The following CUX1 variants were observed in gnomAD, a reference collection of about 807,000 sequenced individuals.
The protein encoded by CUX1 is protein CASP.
CUX1 carries 31 observed loss-of-function variants against 158.8 expected under a neutral mutation model. That is an observed-to-expected ratio of 0.20 (90% confidence interval 0.15 to 0.26). The LOEUF (loss-of-function observed/expected upper bound fraction) is 0.26, where lower values mean the gene tolerates loss of function less well. Ranked by LOEUF, CUX1 falls within the 10% of genes least tolerant of loss-of-function variation. The pLI is 1.00. For synonymous variants in CUX1, 879 were observed against 862.1 expected (o/e 1.02, Z -0.34); for missense variants, 1,589 against 2,014.6 (o/e 0.79, Z 4.04).
chr7:102,153,506 A>G (rs1389331180), intron 8 of CUX1: 1 of 152,290 alleles, frequency 6.6e-6, no homozygotes, highest in Non-Finnish European at 1.5e-5. Context: ...TGCTCCCGGA[A>G]GAGTCAAGGC....
rs1794548010 is a variant in CUX1, at chr7:102,194,051, C to T, written c.1125+161C>T. ...ATTTAACCAAGTTGAAGCAAATTAT[C>T]TTTTTTTTTTTGTCTCCTTTTTTTC... is the stretch of plus-strand genomic sequence containing the variant. On this transcript the variant is annotated intron_variant, in intron 13 of 23. Transcript: ENST00000292535. 1.4e-5 allele frequency: 8 copies of T among 576,266 alleles called. No homozygotes were observed. The South Asian group carries it at 1.8e-4, about 13-fold the overall frequency. 35.7% of individuals were successfully genotyped at this position (576,266 alleles called of 1,614,324 possible). A position where few individuals can be genotyped will look rare whatever the true frequency, so the allele number is the denominator to read the frequency against.
intron 9 of CUX1, among the ~76,000 whole-genome samples, chr7:102,168,195 A>G (rs1357895732): frequency 1.3e-5 from 2 of 152,060 alleles, no homozygotes; most frequent in Non-Finnish European, 2.9e-5. Flanking sequence ...TTCTAGATTC[A>G]GTGTGGACGA....
chr7:102,006,088 A>AC (rs1817332838), intron 2 of CUX1, among the ~76,000 whole-genome samples: 1 of 152,118 alleles, frequency 6.6e-6, no homozygotes, highest in Admixed American at 6.6e-5. Context: ...AAGTAGCAGG[A>AC]CCCCAGTGGG....
At chr7:101,983,154 T>C (rs1421567231) in intron 2 of CUX1, among the ~76,000 whole-genome samples, 1 of 152,218 alleles carries the variant, frequency 6.6e-6, no homozygotes, top group Non-Finnish European at 1.5e-5. Flanking sequence ...TGTCATTGGC[T>C]GTGTGACCAA....
At chr7:102,063,405 T>C (rs111634408) in intron 3 of CUX1, among the ~76,000 whole-genome samples, 8,329 of 145,286 alleles carry the variant, frequency 0.057, 670 homozygotes, top group African/African-American at 0.21. Context: ...TTTTTTTTTT[T>C]TGAGACGGAG....
chr7:102,015,708 G>A (rs148334998), intron 2 of CUX1, among the ~76,000 whole-genome samples: 19 of 152,236 alleles, frequency 1.2e-4, no homozygotes, highest in Admixed American at 8.5e-4. Flanking sequence ...ATAAAAGTTC[G>A]TGGCTCCTTT....
At position 102,234,112 on chromosome 7, in the gene CUX1, T is replaced by C; in HGVS notation, c.3494T>C (p.Leu1165Pro). 1 of 1,598,082 alleles carries C rather than the reference T, an allele frequency of 6.3e-7. No homozygotes were observed. Among genetic ancestry groups the C allele is most frequent in the Non-Finnish European group, 8.5e-7 (1 of 1,173,158 alleles). Reference protein sequence around the residue: ...GLTQGSVSDLLARPKPWHKLS... With the variant: ...GLTQGSVSDLPARPKPWHKLS... The stretch of plus-strand genomic sequence containing the variant: ...ACCCAAGGCTCTGTCTCTGACCTCC[T>C]TGCCCGCCCCAAACCCTGGCATAAG... The change falls in exon 22 of 24, where the codon CTT becomes CCT. Residue 1165 changes from leucine (L) to proline (P), a missense_variant. Leu to Pro is a moderately conservative substitution (Grantham distance 98). Coordinates refer to ENST00000292535, the MANE Select transcript of CUX1 (RefSeq NM_181552.4).
chr7:102,270,497 C>G (rs1189166963), intron 14 of CUX1, among the ~76,000 whole-genome samples: 1 of 152,190 alleles, frequency 6.6e-6, no homozygotes, highest in Non-Finnish European at 1.5e-5. Flanking sequence ...CCCCCCTCTA[C>G]CCACAGCCTT....
chr7:102,198,378 T>G (rs1795026340), intron 15 of CUX1, among the ~76,000 whole-genome samples: 1 of 152,236 alleles, frequency 6.6e-6, no homozygotes, highest in African/African-American at 2.4e-5. Flanking sequence ...CCCTGAAATT[T>G]AGACTCAAAC....
chr7:101,919,091 A>C (rs886515587), intron 2 of CUX1, among the ~76,000 whole-genome samples: 9 of 152,190 alleles, frequency 5.9e-5, no homozygotes, highest in Admixed American at 4.6e-4. Context: ...CCTGCTGGAA[A>C]TGTTGAAACC....
rs1801495359 is a variant in CUX1 at position 102,251,456 on chromosome 7, A to C, written c.*2414A>C. 2 of 985,326 alleles carry C rather than the reference A, an allele frequency of 2.0e-6. No individual in the cohort carries two copies. Among genetic ancestry groups the C allele is most frequent in the Non-Finnish European group, 2.4e-6 (2 of 829,946 alleles). The allele number at this position is 985,326 out of a possible 1,614,324, so 61.0% of individuals were successfully genotyped here. On this transcript the variant is annotated 3_prime_UTR_variant, in exon 24 of 24. Coordinates refer to ENST00000292535, the MANE Select transcript of CUX1 (RefSeq NM_181552.4). ...CAAATTTCAAGAGTCACTACACTAA[A>C]GACAATGCCTTTTCATGAATAAGAA...
chr7:102,024,925 G>A lies in CUX1; in HGVS notation c.142-3173G>A, dbSNP rs188039262. On this transcript the variant is annotated intron_variant, in intron 2 of 23. Transcript: ENST00000292535. ...AACAACAGAAATTTATCATGTGACA[G>A]TGCTCGAGTTCAGGAGTCCAAAGTG... is the stretch of plus-strand genomic sequence containing the variant. Among the ~76,000 whole-genome samples, 39 of 152,330 alleles carry A rather than the reference G, an allele frequency of 2.6e-4. 1 individual carries two copies. Among genetic ancestry groups the A allele is most frequent in the African/African-American group, 8.9e-4 (37 of 41,574 alleles).
At chr7:102,036,836 A>C (rs1821484349) in intron 3 of CUX1, among the ~76,000 whole-genome samples, 1 of 151,914 alleles carries the variant, frequency 6.6e-6, no homozygotes, top group East Asian at 1.9e-4. Flanking sequence ...GATGGTATGG[A>C]TCAGTGAGGA....
At chr7:102,281,907 G>T in exon 21 of CUX1, 1 of 1,611,848 alleles carries the variant, frequency 6.2e-7, no homozygotes, top group Non-Finnish European at 8.5e-7. Flanking sequence ...TTCCTGCACT[G>T]CCTGGTCTTC....
chr7:102,160,952 A>G (rs1187926474), intron 9 of CUX1, among the ~76,000 whole-genome samples: 1 of 152,220 alleles, frequency 6.6e-6, no homozygotes. Flanking sequence ...GTTTGCCACG[A>G]TTTAAAATAT....
chr7:102,221,150 T>C (rs1268267906), intron 20 of CUX1, among the ~76,000 whole-genome samples: 2 of 152,282 alleles, frequency 1.3e-5, no homozygotes, highest in African/African-American at 4.8e-5. Context: ...TGGCATGGGC[T>C]CAAAGCCGAA....
chr7:101,975,405 T>A (rs945516199), intron 2 of CUX1, among the ~76,000 whole-genome samples: 1 of 151,940 alleles, frequency 6.6e-6, no homozygotes, highest in African/African-American at 2.4e-5. Context: ...TTTTTTTTTT[T>A]AATCAGCTAG....
At chr7:102,093,244 A>T (rs1563230982) in intron 4 of CUX1, among the ~76,000 whole-genome samples, 3 of 121,420 alleles carry the variant, frequency 2.5e-5, no homozygotes, top group Non-Finnish European at 5.3e-5. Flanking sequence ...AAAAAAAAAA[A>T]AGAAAGTCAT....
chr7:101,902,010 G>A (rs1485817470), intron 1 of CUX1, among the ~76,000 whole-genome samples: 2 of 152,228 alleles, frequency 1.3e-5, no homozygotes, highest in Non-Finnish European at 2.9e-5. Context: ...TGAGATCAGA[G>A]CTATTCCTTT....
Sources: gnomAD v4.1 joint callset for allele counts (sites outside exome capture counted in the v4.1 genomes callset) on GRCh38, gnomAD v4.1.1 for gene constraint, MANE v1.5 for transcripts, NCBI Gene and HGNC (gene_info 2026-07-23, HGNC 2026-07-21) for gene names.